PAN3: variants seen among roughly 807,000 people sequenced by gnomAD.
The protein encoded by PAN3 is PAN2-PAN3 deadenylation complex subunit PAN3.
Under a neutral mutation model 96.2 loss-of-function variants are expected in PAN3, and 19 were observed. The observed-to-expected ratio is 0.20, with a 90% CI of 0.14 to 0.29. PAN3 has a LOEUF of 0.29. Ranked by LOEUF, PAN3 falls within the 10% of genes least tolerant of loss-of-function variation. PAN3 has a pLI of 1.00. For synonymous variants in PAN3, 433 were observed against 406.6 expected (o/e 1.06, Z -0.78); for missense variants, 882 against 1,108.1 (o/e 0.80, Z 2.90).
At chr13:28,195,919 CA>C (rs1735052423) in intron 4 of PAN3, among the ~76,000 whole-genome samples, 1 of 151,978 alleles carries the variant, frequency 6.6e-6, no homozygotes, top group Non-Finnish European at 1.5e-5. Flanking sequence ...TTTACATAGG[CA>C]TTATTTGCAA....
At chr13:28,139,121 G>C (rs1304888071) in intron 1 of PAN3, 34 bp downstream of exon 1, 45 of 1,279,044 alleles carry the variant, frequency 3.5e-5, no homozygotes, top group Admixed American at 4.2e-5. Context: ...GGCCGCGGCG[G>C]CGGAGGGCAG....
rs1880452717 is a variant in PAN3 at position 28,214,267 on chromosome 13, A to G, written c.853-5964A>G. 2.6e-5 allele frequency among the ~76,000 whole-genome samples: 4 copies of G among 152,256 alleles called. No individual in the cohort carries two copies. In the South Asian group the frequency reaches 6.2e-4, roughly 24 times the overall value. On this transcript the variant is annotated intron_variant, in intron 5 of 18. Transcript: ENST00000380958. ...TGTATTTGTGTACAAAGACTTGTGTACAAATCTTCACAGCAGCTTTATTTG... is the reference window on the plus strand; with the variant it reads ...TGTATTTGTGTACAAAGACTTGTGTGCAAATCTTCACAGCAGCTTTATTTG...
At chr13:28,257,722 T>TATATATTATATATATTATATATAATTA (rs1566234999) in intron 7 of PAN3, among the ~76,000 whole-genome samples, 3 of 138,448 alleles carry the variant, frequency 2.2e-5, no homozygotes, top group Admixed American at 7.7e-5. Context: ...ATATAATTAA[T>TATATATTATATATATTATATATAATTA]ATATATTATA....
intron 6 of PAN3, among the ~76,000 whole-genome samples, chr13:28,255,484 A>G (rs898342443): frequency 2.0e-5 from 3 of 152,108 alleles, no homozygotes; most frequent in African/African-American, 7.2e-5. Context: ...GGGTAAAGAC[A>G]ATTGTCCTTT....
At chr13:28,280,733 G>C (rs1185137703) in intron 16 of PAN3, among the ~76,000 whole-genome samples, 192 bp downstream of exon 16, 1 of 151,612 alleles carries the variant, frequency 6.6e-6, no homozygotes. Flanking sequence ...CGCTATTTTT[G>C]TATTGTTAGT....
chr13:28,239,245 G>GA (rs1479698653), intron 6 of PAN3, among the ~76,000 whole-genome samples: 1 of 144,746 alleles, frequency 6.9e-6, no homozygotes, highest in African/African-American at 2.6e-5. Flanking sequence ...ACTTGTCAAA[G>GA]AAAAAATACA....
intron 4 of PAN3, among the ~76,000 whole-genome samples, chr13:28,194,125 C>T (rs1877667286): frequency 6.6e-6 from 1 of 151,202 alleles, no homozygotes; most frequent in African/African-American, 2.4e-5. Context: ...CCACTGCGCT[C>T]CAGCCTGGGC....
intron 1 of PAN3, 107 bp downstream of exon 1, chr13:28,139,194 T>A: frequency 8.4e-7 from 1 of 1,188,140 alleles, no homozygotes; most frequent in Non-Finnish European, 1.1e-6. Context: ...GCTCCCCCCC[T>A]CACCTCCCAA....
chr13:28,248,950 A>G (rs1884460557), intron 6 of PAN3, among the ~76,000 whole-genome samples: 2 of 152,260 alleles, frequency 1.3e-5, no homozygotes, highest in South Asian at 4.1e-4. Context: ...TTTTTTCAAC[A>G]TCTGTTGAAC....
intron 4 of PAN3, among the ~76,000 whole-genome samples, chr13:28,178,176 T>G (rs780010239): frequency 5.9e-5 from 9 of 152,302 alleles, no homozygotes; most frequent in East Asian, 3.9e-4. Flanking sequence ...TTGTTCAGTT[T>G]ATTTATCTCA....
At chr13:28,157,261 G>A (rs370284423) in intron 1 of PAN3, among the ~76,000 whole-genome samples, 13 of 152,172 alleles carry the variant, frequency 8.5e-5, no homozygotes, top group African/African-American at 3.1e-4. Flanking sequence ...CAAACCCACA[G>A]CAGCATCATA....
chr13:28,278,915 A>G (rs1388638182), intron 15 of PAN3, among the ~76,000 whole-genome samples: 1 of 152,230 alleles, frequency 6.6e-6, no homozygotes, highest in African/African-American at 2.4e-5. Context: ...GATGACTACT[A>G]TATGCCAAAT....
intron 3 of PAN3, 142 bp downstream of exon 3, chr13:28,176,701 C>A: frequency 1.2e-6 from 1 of 818,058 alleles, no homozygotes; most frequent in Non-Finnish European, 1.9e-6. Context: ...CCACTCAGAT[C>A]TAACTATTGA....
At chr13:28,277,880 CATTTGT>C (rs1241523805) in intron 15 of PAN3, among the ~76,000 whole-genome samples, 1 of 152,174 alleles carries the variant, frequency 6.6e-6, no homozygotes, top group Admixed American at 6.6e-5. Flanking sequence ...TTCTGGAAAG[CATTTGT>C]GTGGAGACCC....
At chr13:28,223,755 A>G (rs1294336220) in intron 6 of PAN3, among the ~76,000 whole-genome samples, 1 of 151,798 alleles carries the variant, frequency 6.6e-6, no homozygotes, top group African/African-American at 2.4e-5. Flanking sequence ...ACATTTTTCT[A>G]GTAGCTCTGG....
chr13:28,141,003 C>CTTTTTAT (rs1424709117), intron 1 of PAN3, among the ~76,000 whole-genome samples: 5 of 112,912 alleles, frequency 4.4e-5, no homozygotes, highest in East Asian at 3.1e-4. Flanking sequence ...GAAAGAGACA[C>CTTTTTAT]TTTTTTTTTT....
chr13:28,138,783 A>G lies in PAN3; in HGVS notation c.126A>G (p.Val42=). The G allele has an allele frequency of 1.5e-6, 2 of 1,358,916 alleles. No homozygotes were observed. The highest frequency in any genetic ancestry group is 1.9e-6 in the Non-Finnish European group (2 of 1,058,602). 84.2% of individuals were successfully genotyped at this position (1,358,916 alleles called of 1,614,324 possible). A position where few individuals can be genotyped will look rare whatever the true frequency, so the allele number is the denominator to read the frequency against. Residue 42 remains valine, a synonymous_variant, in exon 1 of 19, where the codon GTA becomes GTG. Coordinates refer to ENST00000380958, the MANE Select transcript of PAN3 (RefSeq NM_175854.8). ...GGGGTGTCCCCGGCGGGGCGGCGGTAGGAGTGAAGCTGAAGTACTGCCGCT... is the reference window on the plus strand; with the variant it reads ...GGGGTGTCCCCGGCGGGGCGGCGGTGGGAGTGAAGCTGAAGTACTGCCGCT... ...GVGGVPGGAA[V]GVKLKYCRYY...
At chr13:28,273,795 T>C (rs942908260) in intron 14 of PAN3, among the ~76,000 whole-genome samples, 2 of 152,224 alleles carry the variant, frequency 1.3e-5, no homozygotes, top group South Asian at 2.1e-4. Context: ...AAAGGTTTGC[T>C]CTAAGGCAGA....
chr13:28,260,693 G>T (rs1188942696), intron 8 of PAN3, 142 bp downstream of exon 8: 43 of 639,904 alleles, frequency 6.7e-5, no homozygotes, highest in Non-Finnish European at 9.7e-5. Flanking sequence ...AGTTTTAATT[G>T]GTATTTTTTT....
Sources: gnomAD v4.1 joint callset for allele counts (sites outside exome capture counted in the v4.1 genomes callset) on GRCh38, gnomAD v4.1.1 for gene constraint, MANE v1.5 for transcripts, NCBI Gene and HGNC (gene_info 2026-07-23, HGNC 2026-07-21) for gene names.